Variants in EDN3 observed in about 807,000 individuals in gnomAD.
EDN3 encodes the protein endothelin-3.
In EDN3, 9 loss-of-function variants were observed where a neutral mutation model predicts 21.4. The ratio of observed to expected loss-of-function variants is 0.42; its 90% CI spans 0.25 to 0.73. The LOEUF (loss-of-function observed/expected upper bound fraction) is 0.73. Among genes scored for constraint, EDN3 ranks in the 30% least tolerant of loss-of-function variants. The pLI is 0.26. For synonymous variants in EDN3, 133 were observed against 126.2 expected, an observed-to-expected ratio of 1.05 and a Z score of -0.36; for missense variants, 327 against 309.4, an observed-to-expected ratio of 1.06 and a Z score of -0.43.
At position 59,324,842 on chromosome 20, in the gene EDN3, A is replaced by C; in HGVS notation, c.*383A>C. The C allele has an allele frequency of 3.1e-6, 1 of 325,986 alleles. No homozygotes were observed. 20.2% of individuals were successfully genotyped at this position (325,986 alleles called of 1,614,324 possible). ...TAAACACATGTCCATCTTGTAATAA[A>C]TGCAAAATGCCCGTGCAGCAGAAGC... On this transcript the variant is annotated 3_prime_UTR_variant, in exon 5 of 5. Transcript: ENST00000337938.
chr20:59,303,160 G>T (rs1989165101), intron 2 of EDN3, among the ~76,000 whole-genome samples: 1 of 152,180 alleles, frequency 6.6e-6, no homozygotes, highest in African/African-American at 2.4e-5. Flanking sequence ...ACAAAGAGCT[G>T]CACATTTGCA....
intron 2 of EDN3, among the ~76,000 whole-genome samples, chr20:59,306,042 T>C (rs1435424489): frequency 1.3e-5 from 2 of 152,124 alleles, no homozygotes; most frequent in Admixed American, 6.5e-5. Context: ...GTTTATCCAA[T>C]GGCTGACTGA....
In EDN3 at chr20:59,322,465, C is replaced by G; in HGVS notation, c.588+48C>G. 3 of 1,591,930 alleles carry G rather than the reference C, an allele frequency of 1.9e-6. No homozygotes were observed. Among genetic ancestry groups the G allele is most frequent in the Non-Finnish European group, 2.6e-6 (3 of 1,159,816 alleles). ...TGTGTCAAAGGAGGTGAAGATGTGA[C>G]GTGTCATTCCTTCGGGGGTGGGTGG... is the stretch of plus-strand genomic sequence containing the variant. On this transcript the variant is annotated intron_variant, in intron 4 of 4. Transcript: ENST00000337938. This position sits in a 1 kb window ranked among gnomAD's most constrained non-coding sequence, Gnocchi z 4.1.
At position 59,324,757 on chromosome 20, in the gene EDN3, G is replaced by A. The variant is rs1361164522; in HGVS notation, c.*298G>A. ...TTGGCAAGTTGGAAAGCCACTTACT[G>A]GCTTTTGACATGACTTCTCTTGGAG... is the stretch of plus-strand genomic sequence containing the variant. On this transcript the variant is annotated 3_prime_UTR_variant, in exon 5 of 5. Coordinates refer to ENST00000337938, the MANE Select transcript of EDN3 (RefSeq NM_207034.3). 2.2e-6 allele frequency: 1 copy of A among 459,804 alleles called. No homozygotes were observed. Among genetic ancestry groups the A allele is most frequent in the Admixed American group, 3.4e-5 (1 of 29,754 alleles). The allele number at this position is 459,804 out of a possible 1,614,324, so 28.5% of individuals were successfully genotyped here.
chr20:59,301,089 C>A (rs537554859), intron 1 of EDN3, among the ~76,000 whole-genome samples: 1 of 152,332 alleles, frequency 6.6e-6, no homozygotes, highest in Non-Finnish European at 1.5e-5. Context: ...TGGAGACCTG[C>A]TGCCTGGGCC....
intron 2 of EDN3, among the ~76,000 whole-genome samples, chr20:59,310,550 G>A (rs1989732677): frequency 6.6e-6 from 1 of 152,094 alleles, no homozygotes; most frequent in African/African-American, 2.4e-5. Flanking sequence ...CAGAGTCTTA[G>A]GAGGGCCAAG....
intron 2 of EDN3, among the ~76,000 whole-genome samples, chr20:59,318,708 G>A (rs565498854): frequency 2.0e-5 from 3 of 152,338 alleles, no homozygotes; most frequent in African/African-American, 4.8e-5. Context: ...CGCGCTTGGC[G>A]GCCGGGGAAG....
chr20:59,320,096 T>C (rs73916216), intron 2 of EDN3, among the ~76,000 whole-genome samples: 8 of 152,302 alleles, frequency 5.3e-5, no homozygotes, highest in African/African-American at 1.9e-4. Flanking sequence ...AACCACACCA[T>C]CACACTCCTC....
intron 2 of EDN3, among the ~76,000 whole-genome samples, chr20:59,309,987 G>A (rs183350742): frequency 4.6e-5 from 7 of 152,282 alleles, no homozygotes; most frequent in African/African-American, 1.7e-4. Context: ...GTGTGACCCC[G>A]AGGGAGAATT....
rs1990758224 is a variant in EDN3, at chr20:59,324,991, T to C, written c.*532T>C. The C allele has an allele frequency of 6.3e-6, 1 of 159,464 alleles. No homozygotes were observed. The highest frequency in any genetic ancestry group is 1.4e-5 in the Non-Finnish European group (1 of 71,938). 9.9% of individuals were successfully genotyped at this position (159,464 alleles called of 1,614,324 possible). ...GTTTATGAATTTGAAGCTTATGGGA[T>C]TTTGGCAGAGAAATTTTCAGCTGTG... On this transcript the variant is annotated 3_prime_UTR_variant, in exon 5 of 5. Coordinates refer to ENST00000337938, the MANE Select transcript of EDN3 (RefSeq NM_207034.3).
intron 2 of EDN3, 114 bp downstream of exon 2, chr20:59,301,836 C>T (rs1190444112): frequency 8.1e-7 from 1 of 1,230,928 alleles, no homozygotes; most frequent in South Asian, 1.2e-5. Context: ...AGAGCCTGCC[C>T]TGGCACAGCC....
At chr20:59,320,858 C>T (rs1990489324) in intron 2 of EDN3, among the ~76,000 whole-genome samples, 159 bp from the exon 3 acceptor site, 1 of 152,172 alleles carries the variant, frequency 6.6e-6, no homozygotes, top group Non-Finnish European at 1.5e-5. Context: ...ACAGTTCACT[C>T]CAGAACCTTC....
intron 2 of EDN3, among the ~76,000 whole-genome samples, chr20:59,316,660 G>A (rs1990207136): frequency 1.3e-5 from 2 of 152,228 alleles, no homozygotes; most frequent in African/African-American, 2.4e-5. Flanking sequence ...TCAGTGTGGT[G>A]TTGCAGATGA....
rs1221232539 is a variant in EDN3 at position 59,319,727 on chromosome 20, A to AG, written c.366-1290_366-1289insG. 1.5e-3 allele frequency among the ~76,000 whole-genome samples: 181 copies of AG among 119,934 alleles called. 2 individuals carry two copies. The highest frequency in any genetic ancestry group is 7.1e-3 in the African/African-American group (172 of 24,076). The allele number at this position is 119,934 out of a possible 152,430, so 78.7% of individuals were successfully genotyped here. A position where few individuals can be genotyped will look rare whatever the true frequency, so the allele number is the denominator to read the frequency against. On this transcript the variant is annotated intron_variant, in intron 2 of 4. Transcript: ENST00000337938. ...GGCGACAAGAGCGAGACTCTGTCTC[A>AG]AAAAAAAAAAAAAAAGAAAAAAAAG...
Position 59,301,543 on chromosome 20 carries a change from C to G in EDN3, c.186C>G (p.Gly62=). 2.5e-6 allele frequency: 4 copies of G among 1,613,328 alleles called. No individual in the cohort carries two copies. Among genetic ancestry groups the G allele is most frequent in the Non-Finnish European group, 3.4e-6 (4 of 1,179,836 alleles). ...GPGEETVAGP[G]EGTVAPTALQ... is the part of the protein sequence containing the mutation. The stretch of plus-strand genomic sequence containing the variant: ...GCGAGGAGACTGTGGCTGGCCCTGG[C>G]GAGGGGACTGTGGCCCCGACAGCAC... Residue 62 remains glycine (G), a synonymous_variant, in exon 2 of 5, where the codon GGC becomes GGG. Transcript: ENST00000337938.
chr20:59,322,789 C>T lies in EDN3; in HGVS notation c.588+372C>T, dbSNP rs1990630373. Among the ~76,000 whole-genome samples the T allele has an allele frequency of 6.6e-6, 1 of 152,190 alleles. No homozygotes were observed. The highest frequency in any genetic ancestry group is 1.5e-5 in the Non-Finnish European group (1 of 68,032). On this transcript the variant is annotated intron_variant, in intron 4 of 4. Coordinates refer to ENST00000337938, the MANE Select transcript of EDN3 (RefSeq NM_207034.3). This position sits in a 1 kb window ranked among gnomAD's most constrained non-coding sequence, Gnocchi z 4.1. ...CCCTGTAGGCTGCTCTGCCCAGACC[C>T]ACACTTCGCCTCTGCTTCCTTAGCA... is the stretch of plus-strand genomic sequence containing the variant.
intron 2 of EDN3, among the ~76,000 whole-genome samples, chr20:59,301,975 C>T (rs1401419361): frequency 6.6e-6 from 1 of 152,104 alleles, no homozygotes; most frequent in Non-Finnish European, 1.5e-5. Context: ...GAAGGAGGAG[C>T]CCTCCCTCTG....
At chr20:59,316,940 A>G (rs377488099) in intron 2 of EDN3, among the ~76,000 whole-genome samples, 1 of 152,168 alleles carries the variant, frequency 6.6e-6, no homozygotes, top group Non-Finnish European at 1.5e-5. Context: ...TTTCTTTTGC[A>G]TGGAGCTTTG....
Position 59,324,597 on chromosome 20 carries a change from T to G in EDN3, c.*138T>G. On this transcript the variant is annotated 3_prime_UTR_variant, in exon 5 of 5. Coordinates refer to ENST00000337938, the MANE Select transcript of EDN3 (RefSeq NM_207034.3). ...CACCCAAAGAGTCCCCACTTAACAA[T>G]ACCCCCCCCCCACGGCAAGAATGCC... is the stretch of plus-strand genomic sequence containing the variant. The G allele has an allele frequency of 3.5e-5, 38 of 1,089,490 alleles. No individual in the cohort carries two copies. Among genetic ancestry groups the G allele is most frequent in the Middle Eastern group, 3.0e-4 (1 of 3,342 alleles). 67.5% of individuals were successfully genotyped at this position (1,089,490 alleles called of 1,614,324 possible).
Sources: gnomAD v4.1 joint callset for allele counts (sites outside exome capture counted in the v4.1 genomes callset) on GRCh38, gnomAD v4.1.1 for gene constraint, Gnocchi (gnomAD v3.1) non-coding constraint, MANE v1.5 for transcripts, NCBI Gene and HGNC (gene_info 2026-07-23, HGNC 2026-07-21) for gene names.